Variants in PTPRG observed in about 807,000 individuals in gnomAD.
PTPRG encodes receptor-type tyrosine-protein phosphatase gamma.
Under a neutral mutation model 165.3 loss-of-function variants are expected in PTPRG, and 102 were observed. That is an observed-to-expected ratio of 0.62 (90% CI 0.53 to 0.73). The LOEUF (loss-of-function observed/expected upper bound fraction) is 0.73, where lower values mean the gene tolerates loss of function less well. Among genes scored for constraint, PTPRG ranks in the 30% least tolerant of loss-of-function variants. PTPRG has a pLI of 0.00. For missense variants in PTPRG, 1,866 were observed against 1,861.4 expected, an observed-to-expected ratio of 1.00 and a Z score of -0.05; for synonymous variants, 675 against 669.5, an observed-to-expected ratio of 1.01 and a Z score of -0.13.
intron 2 of PTPRG, among the ~76,000 whole-genome samples, chr3:61,780,271 T>C (rs1382483030): frequency 2.0e-5 from 3 of 152,182 alleles, no homozygotes; most frequent in East Asian, 1.9e-4. Flanking sequence ...TGTTGTTTCA[T>C]GGGAGGGATC....
At chr3:62,151,219 T>C (rs1704323900) in intron 6 of PTPRG, among the ~76,000 whole-genome samples, 1 of 152,250 alleles carries the variant, frequency 6.6e-6, no homozygotes, top group Non-Finnish European at 1.5e-5. Context: ...TGGGCCGCGC[T>C]GGGCTTAATG....
At chr3:61,809,313 C>G (rs889948358) in intron 2 of PTPRG, among the ~76,000 whole-genome samples, 1 of 151,958 alleles carries the variant, frequency 6.6e-6, no homozygotes, top group South Asian at 2.1e-4. Context: ...TAAAGATGCA[C>G]TCTTTTTTCA....
At chr3:61,899,958 C>A (rs1197848349) in intron 2 of PTPRG, among the ~76,000 whole-genome samples, 1 of 152,218 alleles carries the variant, frequency 6.6e-6, no homozygotes, top group Non-Finnish European at 1.5e-5. Flanking sequence ...ACCTACTTTA[C>A]ATCGTTGTGA....
At chr3:61,720,952 G>C (rs1300289885) in intron 1 of PTPRG, among the ~76,000 whole-genome samples, 1 of 152,220 alleles carries the variant, frequency 6.6e-6, no homozygotes, top group Non-Finnish European at 1.5e-5. Flanking sequence ...ATGTCTTTAA[G>C]TCCACTCTTC....
chr3:61,985,660 C>G (rs2040741153), intron 2 of PTPRG, among the ~76,000 whole-genome samples: 2 of 152,068 alleles, frequency 1.3e-5, no homozygotes, highest in South Asian at 4.1e-4. Context: ...GAGCAAGTGT[C>G]GATTCTGTAT....
intron 8 of PTPRG, among the ~76,000 whole-genome samples, chr3:62,187,413 G>C (rs989168008): frequency 1.3e-5 from 2 of 152,186 alleles, no homozygotes; most frequent in African/African-American, 4.8e-5. Context: ...GTAACCATGA[G>C]CTAAGAATGG....
chr3:61,601,308 A>T (rs78863162), intron 1 of PTPRG, among the ~76,000 whole-genome samples: 296 of 152,322 alleles, frequency 1.9e-3, no homozygotes, highest in African/African-American at 6.8e-3. Context: ...GAATCAGGGT[A>T]TCGGCTTCTG....
intron 1 of PTPRG, among the ~76,000 whole-genome samples, chr3:61,674,689 C>G (rs149774951): frequency 6.6e-6 from 1 of 151,952 alleles, no homozygotes; most frequent in Non-Finnish European, 1.5e-5. Context: ...TTTATCTTGA[C>G]CTTTCTCTTT....
chr3:61,989,657 A>C lies in PTPRG; in HGVS notation c.223A>C (p.Ser75Arg). 6.2e-7 allele frequency: 1 copy of C among 1,614,098 alleles called. No individual in the cohort carries two copies. Among genetic ancestry groups the C allele is most frequent in the Non-Finnish European group, 8.5e-7 (1 of 1,179,984 alleles). ...TGGTCCTGAGCACTGGGTCACGTCT[A>C]GTGTCAGCTGTGGGGGCCGTCACCA... ...AYGPEHWVTSSVSCGGRHQSP... is the reference protein window; with the variant it reads ...AYGPEHWVTSRVSCGGRHQSP... Residue 75 changes from serine to arginine, a missense_variant, in exon 3 of 30, where the codon AGT (serine) becomes CGT (arginine). Physicochemically the swap from Ser to Arg is moderately radical, Grantham distance 110 (BLOSUM62 -1). This residue lies in a region of PTPRG where 408 missense variants were observed against 376.2 expected (regional missense o/e 1.08). Transcript: ENST00000474889.
chr3:61,630,493 A>C (rs1022848662), intron 1 of PTPRG, among the ~76,000 whole-genome samples: 16 of 152,110 alleles, frequency 1.1e-4, no homozygotes, highest in African/African-American at 3.9e-4. Context: ...TCCCAAGTAA[A>C]AGATGTTTTC....
chr3:62,189,679 C>T (rs1699757712), intron 8 of PTPRG, among the ~76,000 whole-genome samples: 1 of 152,190 alleles, frequency 6.6e-6, no homozygotes, highest in Non-Finnish European at 1.5e-5. Flanking sequence ...CATTGCCGCC[C>T]CTCCTCACAG....
intron 29 of PTPRG, chr3:62,292,859 T>A: frequency 4.2e-6 from 2 of 474,076 alleles, no homozygotes; most frequent in Non-Finnish European, 7.4e-6. Flanking sequence ...TCTCTGGTTA[T>A]CTTCATTAAC....
intron 4 of PTPRG, among the ~76,000 whole-genome samples, chr3:62,032,143 A>G (rs961945236): frequency 6.6e-6 from 1 of 152,200 alleles, no homozygotes; most frequent in Non-Finnish European, 1.5e-5. Context: ...ATCTTGGGGA[A>G]GGTAGATGGG....
At chr3:61,690,913 A>G (rs2030154181) in intron 1 of PTPRG, among the ~76,000 whole-genome samples, 1 of 151,948 alleles carries the variant, frequency 6.6e-6, no homozygotes, top group Admixed American at 6.6e-5. Flanking sequence ...TGTTTCTTTT[A>G]CATCTCTGAG....
At chr3:61,578,283 G>C (rs758438851) in intron 1 of PTPRG, among the ~76,000 whole-genome samples, 1 of 152,328 alleles carries the variant, frequency 6.6e-6, no homozygotes, top group African/African-American at 2.4e-5. Context: ...GATTGCACAC[G>C]GCCTGCGGAA....
chr3:61,807,570 T>C (rs2035452867), intron 2 of PTPRG, among the ~76,000 whole-genome samples: 1 of 152,220 alleles, frequency 6.6e-6, no homozygotes, highest in African/African-American at 2.4e-5. Flanking sequence ...CTGAATTTTA[T>C]ATTTTTCTTT....
At chr3:62,078,320 A>C (rs1333100054) in intron 5 of PTPRG, 62 bp downstream of exon 5, 1 of 1,200,468 alleles carries the variant, frequency 8.3e-7, no homozygotes, top group African/African-American at 1.5e-5. Context: ...TAATTTGCCG[A>C]ATTGTTCCAT....
intron 9 of PTPRG, 81 bp downstream of exon 9, chr3:62,191,734 T>C (rs1301947790): frequency 2.2e-6 from 3 of 1,363,514 alleles, no homozygotes; most frequent in Non-Finnish European, 3.1e-6. Flanking sequence ...CACTGCACAG[T>C]GTGCCAGCTC....
At chr3:62,027,102 C>CT (rs1010326449) in intron 4 of PTPRG, among the ~76,000 whole-genome samples, 4 of 151,728 alleles carry the variant, frequency 2.6e-5, no homozygotes, top group Admixed American at 6.6e-5. Context: ...GCCCTGTTTT[C>CT]TTTTTTTTAA....
Sources: gnomAD v4.1 joint callset for allele counts (sites outside exome capture counted in the v4.1 genomes callset) on GRCh38, gnomAD v4.1.1 for gene constraint, gnomAD v4.1.1 regional missense constraint, MANE v1.5 for transcripts, NCBI Gene and HGNC (gene_info 2026-07-23, HGNC 2026-07-21) for gene names.